NFATC1: variants seen among roughly 807,000 people sequenced by gnomAD.
NFATC1 encodes nuclear factor of activated T cells 1, also known as nuclear factor of activated T-cells, cytoplasmic 1.
Under a neutral mutation model 76.0 loss-of-function variants are expected in NFATC1, and 22 were observed. The observed-to-expected ratio is 0.29, with a 90% CI of 0.21 to 0.41. The LOEUF is 0.41. Among genes scored for constraint, NFATC1 ranks in the 10% least tolerant of loss-of-function variants. NFATC1 has a pLI of 1.00. For synonymous variants in NFATC1, 704 were observed against 613.1 expected, an observed-to-expected ratio of 1.15 and a Z score of -2.19; for missense variants, 1,357 against 1,337.7, an observed-to-expected ratio of 1.01 and a Z score of -0.23.
chr18:79,506,858 T>G (rs1389192713), intron 9 of NFATC1, among the ~76,000 whole-genome samples: 1 of 152,212 alleles, frequency 6.6e-6, no homozygotes, highest in Non-Finnish European at 1.5e-5. Context: ...TCTTGATCCT[T>G]TTCAGTTTAA....
intron 3 of NFATC1, among the ~76,000 whole-genome samples, chr18:79,444,709 C>G (rs564170653): frequency 2.2e-4 from 32 of 142,494 alleles, no homozygotes; most frequent in Admixed American, 1.1e-3. Context: ...CACACCGGCA[C>G]TGCACACACA....
Position 79,405,316 on chromosome 18 carries a change from A to G in NFATC1, c.128-5087A>G, listed in dbSNP as rs539169115. The stretch of plus-strand genomic sequence containing the variant: ...GTCATTTAGTGAATCCTCCTTGGCA[A>G]AGAGCCAGGCCCTCCGACACGGCAG... On this transcript the variant is annotated intron_variant, in intron 1 of 9. Coordinates refer to ENST00000427363, the MANE Select transcript of NFATC1 (RefSeq NM_001278669.2). 5.9e-4 allele frequency among the ~76,000 whole-genome samples: 90 copies of G among 152,350 alleles called. No individual in the cohort carries two copies. The Middle Eastern group carries it at 0.01, about 17-fold the overall frequency.
chr18:79,482,347 G>GT (rs780288035), intron 8 of NFATC1, among the ~76,000 whole-genome samples: 36 of 106,078 alleles, frequency 3.4e-4, no homozygotes, highest in African/African-American at 8.1e-4. Flanking sequence ...GCGTGACCTG[G>GT]TCCTGGGGTG....
rs755459785 is a variant in NFATC1 at position 79,443,295 on chromosome 18, G to A, written c.1387-5487G>A. 5.9e-5 allele frequency among the ~76,000 whole-genome samples: 9 copies of A among 152,306 alleles called. No individual in the cohort carries two copies. The East Asian group carries it at 9.6e-4, about 16-fold the overall frequency. On this transcript the variant is annotated intron_variant, in intron 3 of 9. Transcript: ENST00000427363. The stretch of plus-strand genomic sequence containing the variant: ...CGCGCGTATGGACACACACCTGCAC[G>A]CACTGTCACACACACTTGCCTCGGG...
At chr18:79,481,746 T>A (rs1389020943) in intron 8 of NFATC1, among the ~76,000 whole-genome samples, 1 of 151,848 alleles carries the variant, frequency 6.6e-6, no homozygotes, top group Non-Finnish European at 1.5e-5. Flanking sequence ...TTGTGACGAC[T>A]GAATGTGACG....
chr18:79,442,676 G>A (rs1194246871), intron 3 of NFATC1, among the ~76,000 whole-genome samples: 1 of 152,140 alleles, frequency 6.6e-6, no homozygotes, highest in Non-Finnish European at 1.5e-5. Flanking sequence ...TGCGGTTGTT[G>A]GCGCCACGTG....
At position 79,433,576 on chromosome 18, in the gene NFATC1, C is replaced by T. The variant is rs2086671071; in HGVS notation, c.1227-3C>T. The T allele has an allele frequency of 1.2e-6, 2 of 1,612,912 alleles. No homozygotes were observed. The highest frequency in any genetic ancestry group is 1.7e-5 in the Admixed American group (1 of 60,004). ...ACGCCTCCTCTGCTCTGTTCCCTTC[C>T]AGCCCGACCCTGCCCGCCCTGGACT... On this transcript the variant is annotated splice_region_variant and splice_polypyrimidine_tract_variant and intron_variant, in intron 2 of 9. Transcript: ENST00000427363.
At chr18:79,424,917 CTGTCTCTCTG>C (rs1568943858) in intron 2 of NFATC1, among the ~76,000 whole-genome samples, 1 of 139,164 alleles carries the variant, frequency 7.2e-6, no homozygotes, top group African/African-American at 2.5e-5. Flanking sequence ...CTCTGTCGCT[CTGTCTCTCTG>C]TGTCTCTCTC....
chr18:79,527,889 C>A lies in NFATC1; in HGVS notation c.*312C>A. 1 of 447,148 alleles carries A rather than the reference C, an allele frequency of 2.2e-6. No individual in the cohort carries two copies. Among genetic ancestry groups the A allele is most frequent in the Non-Finnish European group, 4.0e-6 (1 of 253,040 alleles). 27.7% of individuals were successfully genotyped at this position (447,148 alleles called of 1,614,324 possible). On this transcript the variant is annotated 3_prime_UTR_variant, in exon 10 of 10. Coordinates refer to ENST00000427363, the MANE Select transcript of NFATC1 (RefSeq NM_001278669.2). ...ACGGCCCACACGCAGTTTGACCCCA[C>A]GCCCAGCCCTTCTGGCACCCCTGGG...
At chr18:79,396,579 C>G (rs2085011997) in intron 1 of NFATC1, among the ~76,000 whole-genome samples, 1 of 152,178 alleles carries the variant, frequency 6.6e-6, no homozygotes, top group East Asian at 1.9e-4. Context: ...CTCCTCTGCC[C>G]CAGCGCTGAG....
intron 9 of NFATC1, among the ~76,000 whole-genome samples, chr18:79,514,273 C>G (rs2090327017): frequency 1.3e-5 from 2 of 152,166 alleles, no homozygotes; most frequent in South Asian, 4.2e-4. Flanking sequence ...GACCCCATCT[C>G]TACAAAAATT....
In NFATC1 at chr18:79,455,167, C is replaced by T. The variant is rs1023635055; in HGVS notation, c.1903+3351C>T. Among the ~76,000 whole-genome samples, 69 of 152,346 alleles carry T rather than the reference C, an allele frequency of 4.5e-4. 2 individuals carry two copies. Among genetic ancestry groups the T allele is most frequent in the Admixed American group, 4.2e-3 (64 of 15,308 alleles). The stretch of plus-strand genomic sequence containing the variant: ...AACAACCTCCTTTTCTTAAGTCACG[C>T]GTCTGTTCTGGTGCCGTTTTTTAAA... On this transcript the variant is annotated intron_variant, in intron 6 of 9. Coordinates refer to ENST00000427363, the MANE Select transcript of NFATC1 (RefSeq NM_001278669.2).
At chr18:79,417,258 A>G (rs1328205509) in intron 2 of NFATC1, among the ~76,000 whole-genome samples, 1 of 48,202 alleles carries the variant, frequency 2.1e-5, no homozygotes. Context: ...GTGGTGGGAG[A>G]TGGGAGATGG....
chr18:79,479,982 G>A (rs1049851558), intron 8 of NFATC1, among the ~76,000 whole-genome samples: 9 of 152,188 alleles, frequency 5.9e-5, no homozygotes, highest in African/African-American at 1.2e-4. Context: ...GAGAAGCCGC[G>A]TGGAGACCCC....
chr18:79,444,392 A>G (rs939607228), intron 3 of NFATC1, among the ~76,000 whole-genome samples: 1 of 152,206 alleles, frequency 6.6e-6, no homozygotes, highest in African/African-American at 2.4e-5. Context: ...AACCAGGACA[A>G]GAGGTGTGCG....
chr18:79,523,741 C>T (rs1187982164), intron 9 of NFATC1, among the ~76,000 whole-genome samples: 1 of 152,170 alleles, frequency 6.6e-6, no homozygotes, highest in Non-Finnish European at 1.5e-5. Context: ...CAAAACGCCA[C>T]AGTCGAGTTT....
intron 9 of NFATC1, among the ~76,000 whole-genome samples, chr18:79,507,660 G>A (rs72993917): frequency 0.017 from 2,531 of 152,356 alleles, 32 homozygotes; most frequent in Non-Finnish European, 0.029. Context: ...CCTGACGCAC[G>A]TCCCCCGGAG....
intron 9 of NFATC1, among the ~76,000 whole-genome samples, chr18:79,506,680 G>A (rs940251272): frequency 2.6e-5 from 4 of 152,136 alleles, no homozygotes; most frequent in African/African-American, 4.8e-5. Flanking sequence ...AGAATTTCTC[G>A]TAGGGAATAA....
At chr18:79,461,131 C>G (rs1415984852) in intron 6 of NFATC1, among the ~76,000 whole-genome samples, 180 bp from the exon 7 acceptor site, 1 of 152,080 alleles carries the variant, frequency 6.6e-6, no homozygotes, top group Non-Finnish European at 1.5e-5. Context: ...CGGGGCCCTG[C>G]CAGGGCACGT....
Sources: allele counts gnomAD v4.1 joint callset (sites outside exome capture counted in the v4.1 genomes callset), GRCh38; gene constraint gnomAD v4.1.1; transcripts MANE v1.5; gene names NCBI Gene and HGNC (gene_info 2026-07-23, HGNC 2026-07-21).